TJP1: variants seen among roughly 807,000 people sequenced by gnomAD.
The protein encoded by TJP1 is tight junction protein ZO-1.
Under a neutral mutation model 194.2 loss-of-function variants are expected in TJP1, and 43 were observed. That is an observed-to-expected ratio of 0.22 (90% CI 0.17 to 0.29). TJP1 has a LOEUF of 0.29. Ranked by LOEUF, TJP1 falls within the 10% of genes least tolerant of loss-of-function variation. The pLI is 1.00. For synonymous variants in TJP1, 801 were observed against 779.0 expected, an observed-to-expected ratio of 1.03 and a Z score of -0.47; for missense variants, 1,971 against 2,185.7, an observed-to-expected ratio of 0.90 and a Z score of 1.96.
chr15:29,887,605 T>A (rs1343870762), intron 2 of TJP1, among the ~76,000 whole-genome samples: 1 of 152,002 alleles, frequency 6.6e-6, no homozygotes, highest in Non-Finnish European at 1.5e-5. Context: ...CTGGCCTATA[T>A]CAGATATTTT....
chr15:29,950,233 C>A (rs964588854), intron 2 of TJP1, among the ~76,000 whole-genome samples: 22 of 149,074 alleles, frequency 1.5e-4, no homozygotes, highest in South Asian at 4.3e-4. Flanking sequence ...CTACCTCCAC[C>A]ACCACCACCT....
At chr15:29,867,794 G>A (rs1055731122) in intron 2 of TJP1, among the ~76,000 whole-genome samples, 1 of 152,064 alleles carries the variant, frequency 6.6e-6, no homozygotes, top group Non-Finnish European at 1.5e-5. Flanking sequence ...AGTGGTTCAT[G>A]CCTGTAATTC....
At chr15:29,916,965 AC>A (rs895748351) in intron 2 of TJP1, among the ~76,000 whole-genome samples, 9 of 151,960 alleles carry the variant, frequency 5.9e-5, no homozygotes, top group Middle Eastern at 3.4e-3. Flanking sequence ...CGCACACAGA[AC>A]CCCCCCTCCA....
chr15:29,955,574 G>T (rs1596322668), intron 2 of TJP1, among the ~76,000 whole-genome samples: 3 of 151,324 alleles, frequency 2.0e-5, no homozygotes, highest in African/African-American at 7.3e-5. Flanking sequence ...AACATAGTGA[G>T]ACCCCATATC....
Position 29,874,460 on chromosome 15 carries a change from T to C in TJP1, c.307-73758A>G, listed in dbSNP as rs370443922. ...TGATTGGGGCTGGCATCATCAACCA[T>C]ATGAGATGAGCCTACAACAGACAGC... On this transcript the variant is annotated intron_variant, in intron 2 of 28. Coordinates refer to the TJP1 transcript ENST00000356107. Among the ~76,000 whole-genome samples the C allele has an allele frequency of 2.4e-4, 37 of 152,156 alleles. No individual in the cohort carries two copies. In the South Asian group the frequency reaches 7.7e-3, roughly 32 times the overall value.
At chr15:29,844,084 G>A (rs949271891) in intron 2 of TJP1, among the ~76,000 whole-genome samples, 4 of 152,108 alleles carry the variant, frequency 2.6e-5, no homozygotes, top group African/African-American at 4.8e-5. Flanking sequence ...TTGCTCTGTC[G>A]CCCAGGCTGG....
chr15:29,890,310 G>C (rs2053261973), intron 2 of TJP1, among the ~76,000 whole-genome samples: 1 of 152,212 alleles, frequency 6.6e-6, no homozygotes, highest in Non-Finnish European at 1.5e-5. Flanking sequence ...CAGGCCACCT[G>C]AAGGAAACAG....
chr15:29,908,100 A>C (rs187281874), intron 2 of TJP1, among the ~76,000 whole-genome samples: 5 of 146,662 alleles, frequency 3.4e-5, no homozygotes, highest in Admixed American at 6.8e-5. Flanking sequence ...AAGAAGAAGG[A>C]AAGATAAAGA....
intron 2 of TJP1, among the ~76,000 whole-genome samples, chr15:29,907,283 C>T (rs2053847348): frequency 6.6e-6 from 1 of 152,070 alleles, no homozygotes; most frequent in South Asian, 2.1e-4. Context: ...GTGGCGGGCG[C>T]CTGTAGCCCC....
Position 29,844,043 on chromosome 15 carries a change from G to GT in TJP1, c.307-43342dup, listed in dbSNP as rs555574509. ...GGGTGGGCAGAGCACCAGAGTGACT[G>GT]TTTTTTTGTGTGTTGTTTTGAAACA... On this transcript the variant is annotated intron_variant, in intron 2 of 28. Transcript: ENST00000356107. Among the ~76,000 whole-genome samples the GT allele has an allele frequency of 1.9e-4, 29 of 152,234 alleles. No individual in the cohort carries two copies. The South Asian group carries it at 6.0e-3, about 32-fold the overall frequency.
chr15:29,733,338 T>G, intron 12 of TJP1, 25 bp from the exon 13 acceptor site: 1 of 1,471,642 alleles, frequency 6.8e-7, no homozygotes, highest in Non-Finnish European at 9.4e-7. Flanking sequence ...AACAAACACA[T>G]TATCAATATT....
intron 2 of TJP1, among the ~76,000 whole-genome samples, chr15:29,862,836 G>A (rs548264862): frequency 1.6e-3 from 237 of 151,290 alleles, no homozygotes; most frequent in Non-Finnish European, 2.4e-3. Flanking sequence ...TTTTAGTAGA[G>A]ACGGGGTTTC....
At chr15:29,798,281 T>C (rs996377356) in intron 2 of TJP1, among the ~76,000 whole-genome samples, 8 of 151,784 alleles carry the variant, frequency 5.3e-5, no homozygotes, top group African/African-American at 1.9e-4. Flanking sequence ...TTTTTTTTTT[T>C]TTTTCTTTTC....
At chr15:29,967,063 G>C (rs1343405917) in intron 1 of TJP1, among the ~76,000 whole-genome samples, 1 of 151,354 alleles carries the variant, frequency 6.6e-6, no homozygotes, top group East Asian at 1.9e-4. Context: ...GCCCAGGCTG[G>C]AGTGCAGTGG....
chr15:29,910,314 TA>T (rs943440378), intron 2 of TJP1, among the ~76,000 whole-genome samples: 6 of 152,374 alleles, frequency 3.9e-5, no homozygotes, highest in African/African-American at 1.2e-4. Flanking sequence ...TTTTAAACAC[TA>T]AAGTGGAAAG....
At chr15:29,925,386 A>G (rs1719351) in intron 2 of TJP1, among the ~76,000 whole-genome samples, 38,865 of 152,112 alleles carry the variant, frequency 0.26, 5,213 homozygotes, top group East Asian at 0.35. Flanking sequence ...AGAGGGCATC[A>G]GGAAGCCCTG....
chr15:29,931,955 A>C (rs2054729397), intron 2 of TJP1, among the ~76,000 whole-genome samples: 1 of 152,144 alleles, frequency 6.6e-6, no homozygotes, highest in African/African-American at 2.4e-5. Flanking sequence ...TGGCATCTGT[A>C]AATTGTCATG....
chr15:29,884,820 G>A (rs577400912), intron 2 of TJP1, among the ~76,000 whole-genome samples: 1 of 152,140 alleles, frequency 6.6e-6, no homozygotes, highest in African/African-American at 2.4e-5. Flanking sequence ...TTAACTAAAG[G>A]GATCAAAAAG....
chr15:29,754,346 C>A (rs1008082342), intron 8 of TJP1, among the ~76,000 whole-genome samples: 1 of 152,014 alleles, frequency 6.6e-6, no homozygotes, highest in African/African-American at 2.4e-5. Context: ...ACAAAGAAAA[C>A]AACAGGCACT....
Sources: allele counts gnomAD v4.1 joint callset (sites outside exome capture counted in the v4.1 genomes callset), GRCh38; gene constraint gnomAD v4.1.1; transcripts MANE v1.5; gene names NCBI Gene and HGNC (gene_info 2026-07-23, HGNC 2026-07-21).